Variants in FAR1 observed in about 807,000 individuals in gnomAD.
The protein encoded by FAR1 is fatty acyl-CoA reductase 1.
A neutral mutation model predicts 61.1 loss-of-function variants in FAR1; 22 were observed. That is an observed-to-expected ratio of 0.36 (90% CI 0.26 to 0.51). FAR1 has a LOEUF of 0.51. Ranked by LOEUF, FAR1 falls within the 20% of genes least tolerant of loss-of-function variation. The probability of loss-of-function intolerance (pLI) is 0.95; values close to 1 mark genes in which losing one functional copy is unlikely to be tolerated. For missense variants in FAR1, 359 were observed against 626.9 expected (o/e 0.57, Z 4.56); for synonymous variants, 206 against 209.7 (o/e 0.98, Z 0.15).
intron 3 of FAR1, among the ~76,000 whole-genome samples, chr11:13,707,669 T>G (rs187811585): frequency 2.0e-3 from 299 of 152,330 alleles, no homozygotes; most frequent in African/African-American, 7.0e-3. Flanking sequence ...TTTAAATTTC[T>G]ACTTTAATTT....
intron 2 of FAR1, 149 bp downstream of exon 2, chr11:13,695,103 C>A: frequency 3.3e-6 from 2 of 614,546 alleles, no homozygotes; most frequent in Non-Finnish European, 5.0e-6. Context: ...TACAGGATGG[C>A]AAGAAACTGG....
Position 13,710,795 on chromosome 11 carries a change from A to T in FAR1, c.648A>T (p.Gln216His). ...YTKALAEYVV[Q>H]QEGAKLNVAI... is the part of the protein sequence containing the mutation. ...AAGCATTGGCAGAATATGTTGTACA[A>T]CAAGAAGGAGCAAAACTAAATGTGG... Residue 216 changes from glutamine to histidine, a missense_variant, in exon 5 of 12, where the codon CAA (glutamine) becomes CAT (histidine). Physicochemically the swap from Gln to His is conservative, Grantham distance 24. Coordinates refer to ENST00000354817, the MANE Select transcript of FAR1 (RefSeq NM_032228.6). 6.2e-7 allele frequency: 1 copy of T among 1,613,246 alleles called. No individual in the cohort carries two copies. Among genetic ancestry groups the T allele is most frequent in the Non-Finnish European group, 8.5e-7 (1 of 1,179,538 alleles).
intron 9 of FAR1, 71 bp downstream of exon 9, chr11:13,714,751 A>G (rs1848537735): frequency 7.3e-7 from 1 of 1,365,494 alleles, no homozygotes; most frequent in African/African-American, 1.5e-5. Flanking sequence ...AATGCATATT[A>G]ACTCTGTATT....
At chr11:13,715,382 C>T (rs1472765570) in intron 9 of FAR1, among the ~76,000 whole-genome samples, 2 of 152,152 alleles carry the variant, frequency 1.3e-5, no homozygotes, top group Non-Finnish European at 2.9e-5. Context: ...TGTCCTACAT[C>T]ATGGTTGTCA....
chr11:13,697,847 T>C (rs1848325051), intron 2 of FAR1, among the ~76,000 whole-genome samples: 1 of 152,194 alleles, frequency 6.6e-6, no homozygotes, highest in African/African-American at 2.4e-5. Flanking sequence ...TCTTCAAGTT[T>C]CAGGCTTAGG....
In FAR1 at chr11:13,730,211, T is replaced by A. The variant is rs927307891; in HGVS notation, c.*1437T>A. The A allele has an allele frequency of 6.6e-6, 1 of 151,034 alleles. No individual in the cohort carries two copies. The highest frequency in any genetic ancestry group is 2.4e-5 in the African/African-American group (1 of 41,124). The allele number at this position is 151,034 out of a possible 1,614,324, so 9.4% of individuals were successfully genotyped here. On this transcript the variant is annotated 3_prime_UTR_variant, in exon 12 of 12. Coordinates refer to ENST00000354817, the MANE Select transcript of FAR1 (RefSeq NM_032228.6). ...ACAGTTCGCAATACAAAAAGTTACA[T>A]GGAGCTTTACATCTTAACTTTCTTT...
intron 3 of FAR1, among the ~76,000 whole-genome samples, chr11:13,703,178 G>T (rs1283222143): frequency 6.6e-6 from 1 of 151,908 alleles, no homozygotes; most frequent in East Asian, 1.9e-4. Flanking sequence ...GTTTGTTTTT[G>T]TTTTTGTTTT....
At chr11:13,710,940 G>T (rs556172857) in intron 5 of FAR1, 70 bp downstream of exon 5, 109 of 1,352,136 alleles carry the variant, frequency 8.1e-5, no homozygotes, top group Non-Finnish European at 1.1e-4. Flanking sequence ...TATAAAAAGA[G>T]CTGGCAGTTC....
chr11:13,730,401 G>T lies in FAR1; in HGVS notation c.*1627G>T, dbSNP rs1848711354. 6.6e-6 allele frequency: 1 copy of T among 152,228 alleles called. No individual in the cohort carries two copies. The highest frequency in any genetic ancestry group is 1.5e-5 in the Non-Finnish European group (1 of 67,882). The allele number at this position is 152,228 out of a possible 1,614,324, so 9.4% of individuals were successfully genotyped here. A position where few individuals can be genotyped will look rare whatever the true frequency, so the allele number is the denominator to read the frequency against. ...AAAACTTTTAAATATTATTTTAAAA[G>T]AAATATGTATATAAATATCTCTATA... On this transcript the variant is annotated 3_prime_UTR_variant, in exon 12 of 12. Transcript: ENST00000354817.
chr11:13,705,956 T>G (rs1016793267), intron 3 of FAR1, among the ~76,000 whole-genome samples: 1 of 152,204 alleles, frequency 6.6e-6, no homozygotes, highest in Non-Finnish European at 1.5e-5. Flanking sequence ...AAAGCACTGC[T>G]TCACTTTACA....
At chr11:13,675,894 G>A (rs1848062919) in intron 1 of FAR1, among the ~76,000 whole-genome samples, 1 of 152,112 alleles carries the variant, frequency 6.6e-6, no homozygotes, top group Admixed American at 6.5e-5. Flanking sequence ...TTATTTTGAA[G>A]TATTCTGAGA....
chr11:13,673,586 T>G (rs1313382135), intron 1 of FAR1, among the ~76,000 whole-genome samples: 1 of 152,228 alleles, frequency 6.6e-6, no homozygotes, highest in Non-Finnish European at 1.5e-5. Flanking sequence ...CCTTAGGTAT[T>G]TGTTACCTTA....
chr11:13,668,830 G>T, intron 1 of FAR1, 24 bp downstream of exon 1: 1 of 153,462 alleles, frequency 6.5e-6, no homozygotes, highest in South Asian at 1.9e-4. Flanking sequence ...GCGCCAGCGG[G>T]AGCGGCCGGG....
chr11:13,709,086 A>ATATC (rs1848470805), intron 4 of FAR1, among the ~76,000 whole-genome samples: 1 of 152,058 alleles, frequency 6.6e-6, no homozygotes. Flanking sequence ...TCCTTATATA[A>ATATC]TATCTTTGAA....
rs149394161 is a variant in FAR1 at position 13,670,307 on chromosome 11, G to T, written c.-8+1501G>T. Among the ~76,000 whole-genome samples the T allele has an allele frequency of 6.6e-5, 10 of 150,764 alleles. No homozygotes were observed. In the East Asian group the frequency reaches 2.0e-3, roughly 30 times the overall value. On this transcript the variant is annotated intron_variant, in intron 1 of 11. Transcript: ENST00000354817. ...TTTTGTTTTTATTTTATAAATTTGTGTGTGTGTGTCTCGCTTTGTTGCCCA... is the reference window on the plus strand; with the variant it reads ...TTTTGTTTTTATTTTATAAATTTGTTTGTGTGTGTCTCGCTTTGTTGCCCA...
chr11:13,681,137 T>C (rs1848122116), intron 1 of FAR1, among the ~76,000 whole-genome samples: 1 of 152,148 alleles, frequency 6.6e-6, no homozygotes, highest in Admixed American at 6.5e-5. Context: ...TAATTGAACA[T>C]GGGAATGTGA....
intron 3 of FAR1, among the ~76,000 whole-genome samples, chr11:13,700,741 G>C (rs1848361775): frequency 2.0e-5 from 3 of 151,960 alleles, no homozygotes; most frequent in Non-Finnish European, 4.4e-5. Context: ...ACAGGGAAGA[G>C]GCAAAAAGTG....
chr11:13,687,722 G>A (rs1848203120), intron 1 of FAR1, among the ~76,000 whole-genome samples: 2 of 152,222 alleles, frequency 1.3e-5, no homozygotes, highest in African/African-American at 4.8e-5. Flanking sequence ...CAGAGGCAGA[G>A]TTTAAAAATA....
intron 1 of FAR1, among the ~76,000 whole-genome samples, chr11:13,678,011 T>C (rs1250004824): frequency 6.6e-6 from 1 of 152,192 alleles, no homozygotes; most frequent in Non-Finnish European, 1.5e-5. Flanking sequence ...ATAATGACAA[T>C]TGAAAACGAA....
Sources: gnomAD v4.1 joint callset for allele counts (sites outside exome capture counted in the v4.1 genomes callset) on GRCh38, gnomAD v4.1.1 for gene constraint, MANE v1.5 for transcripts, NCBI Gene and HGNC (gene_info 2026-07-23, HGNC 2026-07-21) for gene names.